SCARB1: variants seen among roughly 807,000 people sequenced by gnomAD.
The protein encoded by SCARB1 is CD36 and LIMPII analogous 1.
SCARB1 carries 30 observed loss-of-function variants against 57.2 expected under a neutral mutation model. The observed-to-expected ratio is 0.52, with a 90% CI of 0.39 to 0.71. The LOEUF (loss-of-function observed/expected upper bound fraction) is 0.71. Among genes scored for constraint, SCARB1 ranks in the 30% least tolerant of loss-of-function variants. The pLI, the probability that SCARB1 is intolerant of heterozygous loss-of-function variation, is 0.00. For missense variants in SCARB1, 543 were observed against 671.2 expected (o/e 0.81, Z 2.11); for synonymous variants, 249 against 268.3 (o/e 0.93, Z 0.70).
At chr12:124,786,632 T>A in intron 10 of SCARB1, 129 bp from the exon 11 acceptor site, 1 of 1,524,008 alleles carries the variant, frequency 6.6e-7, no homozygotes, top group Non-Finnish European at 8.8e-7. Context: ...GGCTAAAGCA[T>A]GTGTTGGAGC....
intron 7 of SCARB1, among the ~76,000 whole-genome samples, chr12:124,801,254 CACAG>C (rs1373348137): frequency 6.6e-6 from 1 of 151,474 alleles, no homozygotes; most frequent in Non-Finnish European, 1.5e-5. Flanking sequence ...AGTGCTAATC[CACAG>C]ACAGAGCCAA....
intron 1 of SCARB1, among the ~76,000 whole-genome samples, chr12:124,856,913 C>A (rs1326369972): frequency 1.3e-5 from 2 of 152,228 alleles, no homozygotes; most frequent in African/African-American, 2.4e-5. Flanking sequence ...TCTCAGACTA[C>A]CCCCGGAAGG....
intron 1 of SCARB1, among the ~76,000 whole-genome samples, chr12:124,853,485 C>T (rs921311497): frequency 2.0e-5 from 3 of 151,508 alleles, no homozygotes; most frequent in Non-Finnish European, 4.4e-5. Context: ...ACCTCCACCT[C>T]CCGGGTTCAA....
chr12:124,798,955 G>T (rs973678350), intron 8 of SCARB1, among the ~76,000 whole-genome samples: 2 of 152,128 alleles, frequency 1.3e-5, no homozygotes, highest in African/African-American at 4.8e-5. Context: ...CAGTTAGACA[G>T]GGGGAGTAAG....
intron 11 of SCARB1, 57 bp from the exon 12 acceptor site, chr12:124,782,868 T>C: frequency 1.3e-6 from 2 of 1,592,322 alleles, no homozygotes; most frequent in South Asian, 2.2e-5. Context: ...AAAATGGTTT[T>C]ACACGGTTCT....
chr12:124,842,588 A>G (rs1437927532), intron 1 of SCARB1, among the ~76,000 whole-genome samples: 1 of 152,214 alleles, frequency 6.6e-6, no homozygotes, highest in Non-Finnish European at 1.5e-5. Context: ...GCCACAGATT[A>G]CAGCTGTCAG....
chr12:124,839,042 G>A (rs1594355697), intron 1 of SCARB1, among the ~76,000 whole-genome samples: 1 of 152,098 alleles, frequency 6.6e-6, no homozygotes. Context: ...AAAAGTACTG[G>A]GATTACAGGC....
chr12:124,853,155 A>C (rs573923377), intron 1 of SCARB1, among the ~76,000 whole-genome samples: 2 of 152,182 alleles, frequency 1.3e-5, no homozygotes, highest in African/African-American at 2.4e-5. Flanking sequence ...GGAACCAAGC[A>C]TAAGAGCCAG....
At chr12:124,836,778 A>G (rs1381993852) in intron 1 of SCARB1, among the ~76,000 whole-genome samples, 2 of 152,236 alleles carry the variant, frequency 1.3e-5, no homozygotes, top group South Asian at 4.1e-4. Flanking sequence ...TGGGTGACAG[A>G]GCAAGACCCT....
At chr12:124,835,851 G>A (rs986431594) in intron 1 of SCARB1, among the ~76,000 whole-genome samples, 3 of 152,184 alleles carry the variant, frequency 2.0e-5, no homozygotes, top group Non-Finnish European at 2.9e-5. Flanking sequence ...TGCATGCCAC[G>A]TGGCCCAGCC....
At chr12:124,798,899 C>T (rs1323512672) in intron 8 of SCARB1, among the ~76,000 whole-genome samples, 1 of 150,804 alleles carries the variant, frequency 6.6e-6, no homozygotes, top group East Asian at 1.9e-4. Context: ...AGAATACTGG[C>T]TACCAGGGGC....
At chr12:124,788,985 C>T (rs1355147583) in intron 9 of SCARB1, among the ~76,000 whole-genome samples, 1 of 152,158 alleles carries the variant, frequency 6.6e-6, no homozygotes, top group Non-Finnish European at 1.5e-5. Flanking sequence ...GTGGGTACGG[C>T]TGGGGATGGC....
At chr12:124,862,086 C>T (rs1952925598) in intron 1 of SCARB1, among the ~76,000 whole-genome samples, 1 of 152,188 alleles carries the variant, frequency 6.6e-6, no homozygotes, top group Non-Finnish European at 1.5e-5. Flanking sequence ...TCTAGGGACC[C>T]TGCATACACA....
intron 8 of SCARB1, among the ~76,000 whole-genome samples, chr12:124,798,752 G>A (rs771476071): frequency 2.9e-4 from 44 of 151,688 alleles, no homozygotes; most frequent in Non-Finnish European, 5.4e-4. Flanking sequence ...CTGAGGCAGG[G>A]AGAATTGCTT....
chr12:124,786,156 A>G, intron 11 of SCARB1: 2 of 1,549,684 alleles, frequency 1.3e-6, no homozygotes, highest in Non-Finnish European at 1.7e-6. Context: ...CAGGCAGAGT[A>G]GTGGCAACGC....
chr12:124,799,275 G>T (rs188900189), intron 8 of SCARB1, among the ~76,000 whole-genome samples: 78 of 152,130 alleles, frequency 5.1e-4, no homozygotes, highest in African/African-American at 1.8e-3. Context: ...CTGTAATCCC[G>T]GTACTTTGGG....
At chr12:124,795,323 G>A (rs372759560) in intron 8 of SCARB1, 55 bp from the exon 9 acceptor site, 5 of 1,403,642 alleles carry the variant, frequency 3.6e-6, no homozygotes, top group African/African-American at 2.8e-5. Context: ...CAGGGACACC[G>A]TCAACCCTCC....
chr12:124,786,386 C>T lies in SCARB1; in HGVS notation c.1372G>A (p.Val458Ile), dbSNP rs373562299. 4.3e-6 allele frequency: 7 copies of T among 1,614,004 alleles called. No individual in the cohort carries two copies. The highest frequency in any genetic ancestry group is 5.9e-6 in the Non-Finnish European group (7 of 1,180,050). The change falls in exon 11 of 13, where the codon GTC (valine) becomes ATC (isoleucine). Residue 458 changes from valine (V) to isoleucine (I), a missense_variant. Coordinates refer to ENST00000261693, the MANE Select transcript of SCARB1 (RefSeq NM_005505.5). ...LLALGCVLLL[V>I]PVICQIRSQE... ...CTCCGGATTTGGCAGATGACAGGGA[C>T]CAGCAGCAGGACGCAGCCCAGCGCC...
chr12:124,863,485 C>A, intron 1 of SCARB1, 110 bp downstream of exon 1: 2 of 1,199,862 alleles, frequency 1.7e-6, no homozygotes, highest in Non-Finnish European at 2.3e-6. Context: ...CAGGCCCGGG[C>A]GCCGATTCCG....
Sources: gnomAD v4.1 joint callset for allele counts (sites outside exome capture counted in the v4.1 genomes callset) on GRCh38, gnomAD v4.1.1 for gene constraint, MANE v1.5 for transcripts, NCBI Gene and HGNC (gene_info 2026-07-23, HGNC 2026-07-21) for gene names.